Variants in FHIT observed in about 807,000 individuals in gnomAD.
FHIT encodes the protein bis(5'-adenosyl)-triphosphatase.
Under a neutral mutation model 17.9 loss-of-function variants are expected in FHIT, and 19 were observed. The observed-to-expected ratio is 1.06, with a 90% CI of 0.74 to 1.56. The LOEUF (loss-of-function observed/expected upper bound fraction) is 1.56, where lower values mean the gene tolerates loss of function less well. Among genes scored for constraint, FHIT ranks in the 40% most tolerant of loss-of-function variants. The probability of loss-of-function intolerance (pLI) is 0.00; values close to 1 mark genes in which losing one functional copy is unlikely to be tolerated. For synonymous variants in FHIT, 81 were observed against 69.7 expected, an observed-to-expected ratio of 1.16 and a Z score of -0.81; for missense variants, 248 against 189.2, an observed-to-expected ratio of 1.31 and a Z score of -1.82.
intron 4 of FHIT, among the ~76,000 whole-genome samples, chr3:60,699,530 G>A (rs781963571): frequency 2.6e-5 from 4 of 151,972 alleles, no homozygotes; most frequent in Non-Finnish European, 5.9e-5. Context: ...ATTCAGATAC[G>A]TTTCAAATGG....
At chr3:60,551,346 G>A (rs911588923) in intron 4 of FHIT, among the ~76,000 whole-genome samples, 5 of 146,698 alleles carry the variant, frequency 3.4e-5, no homozygotes, top group Non-Finnish European at 6.0e-5. Flanking sequence ...ATCATCTCAG[G>A]ACGCCTGGTG....
intron 3 of FHIT, among the ~76,000 whole-genome samples, chr3:60,974,781 T>G (rs1710165972): frequency 6.6e-6 from 1 of 152,210 alleles, no homozygotes; most frequent in Non-Finnish European, 1.5e-5. Context: ...GATAATGTTT[T>G]ACTTTCCCAC....
intron 5 of FHIT, among the ~76,000 whole-genome samples, chr3:60,124,679 A>G (rs9813638): frequency 0.41 from 62,609 of 151,908 alleles, 13,560 homozygotes; most frequent in Non-Finnish European, 0.49. Context: ...GCAGCCAAAT[A>G]AGCTTTATGC....
At chr3:60,064,517 AT>A (rs1172572919) in intron 5 of FHIT, among the ~76,000 whole-genome samples, 1 of 152,214 alleles carries the variant, frequency 6.6e-6, no homozygotes, top group East Asian at 1.9e-4. Context: ...CAGTCATTGT[AT>A]CATCCACACC....
At chr3:61,205,606 T>C (rs2039199611) in intron 1 of FHIT, among the ~76,000 whole-genome samples, 1 of 152,248 alleles carries the variant, frequency 6.6e-6, no homozygotes, top group Non-Finnish European at 1.5e-5. Context: ...GTCTTTTGGC[T>C]GCGTAAATGT....
chr3:60,750,058 A>G (rs2042435672), intron 4 of FHIT, among the ~76,000 whole-genome samples: 1 of 152,164 alleles, frequency 6.6e-6, no homozygotes, highest in African/African-American at 2.4e-5. Context: ...TAACTAGTAG[A>G]CAACAGAGAT....
chr3:60,935,882 C>T, intron 3 of FHIT, among the ~76,000 whole-genome samples: 1 of 152,180 alleles, frequency 6.6e-6, no homozygotes, highest in East Asian at 1.9e-4. Context: ...TTATGCACTG[C>T]CCTGACAGCT....
chr3:60,578,813 T>C (rs1305191188), intron 4 of FHIT, among the ~76,000 whole-genome samples: 1 of 152,184 alleles, frequency 6.6e-6, no homozygotes, highest in Non-Finnish European at 1.5e-5. Flanking sequence ...TTAGTGTATA[T>C]GTGCCTATAT....
At chr3:60,859,767 A>G (rs1703557069) in intron 3 of FHIT, among the ~76,000 whole-genome samples, 4 of 68,384 alleles carry the variant, frequency 5.8e-5, no homozygotes, top group East Asian at 6.7e-4. Flanking sequence ...TTTTTTGCCG[A>G]GCACGGTGGC....
intron 5 of FHIT, among the ~76,000 whole-genome samples, chr3:60,400,376 A>G (rs1701615488): frequency 6.6e-6 from 1 of 152,290 alleles, no homozygotes; most frequent in East Asian, 1.9e-4. Flanking sequence ...GAGGAGCTCC[A>G]TATAAGAGGG....
chr3:60,158,395 T>G (rs2107355401), intron 5 of FHIT, among the ~76,000 whole-genome samples: 1 of 151,994 alleles, frequency 6.6e-6, no homozygotes, highest in South Asian at 2.1e-4. Context: ...CACTGCAACC[T>G]CCGCTTCCAG....
chr3:60,111,508 TG>T (rs1704669431), intron 5 of FHIT, among the ~76,000 whole-genome samples: 1 of 152,304 alleles, frequency 6.6e-6, no homozygotes, highest in East Asian at 1.9e-4. Context: ...CTTCCAGCAA[TG>T]TAATTACCCA....
At chr3:60,732,623 G>T (rs2042053471) in intron 4 of FHIT, 1 of 521,600 alleles carries the variant, frequency 1.9e-6, no homozygotes, top group Non-Finnish European at 3.7e-6. Context: ...GAAGTACACG[G>T]TGGGGTTGAC....
intron 5 of FHIT, among the ~76,000 whole-genome samples, chr3:60,356,276 C>T (rs1206085021): frequency 6.6e-6 from 1 of 152,164 alleles, no homozygotes; most frequent in East Asian, 1.9e-4. Context: ...CTAAGCACAT[C>T]CTCCATTGTA....
intron 4 of FHIT, among the ~76,000 whole-genome samples, chr3:60,648,278 T>C (rs2039909423): frequency 6.6e-6 from 1 of 152,214 alleles, no homozygotes; most frequent in Non-Finnish European, 1.5e-5. Context: ...TAATGCAATA[T>C]GGTATAAATC....
At chr3:60,394,840 G>A (rs1048388461) in intron 5 of FHIT, among the ~76,000 whole-genome samples, 2 of 152,138 alleles carry the variant, frequency 1.3e-5, no homozygotes, top group African/African-American at 2.4e-5. Flanking sequence ...AAGTCCAGAA[G>A]GATAGTGGCT....
chr3:61,167,628 C>CAAAAAAAAAAA (rs34229498), intron 2 of FHIT, among the ~76,000 whole-genome samples: 1 of 98,956 alleles, frequency 1.0e-5, no homozygotes, highest in African/African-American at 3.7e-5. Context: ...AACTGTGTCT[C>CAAAAAAAAAAA]AAAAAAAAAA....
intron 4 of FHIT, chr3:60,617,425 G>A: frequency 5.9e-6 from 1 of 169,212 alleles, no homozygotes; most frequent in Middle Eastern, 5.2e-4. Flanking sequence ...ATAAACAGAT[G>A]GTTAAAGTTT....
chr3:60,751,489 G>T (rs1202907337), intron 4 of FHIT, among the ~76,000 whole-genome samples: 5 of 152,218 alleles, frequency 3.3e-5, no homozygotes, highest in African/African-American at 1.2e-4. Flanking sequence ...GATAGGAACA[G>T]ATAATTTCCA....
Sources: allele counts gnomAD v4.1 joint callset (sites outside exome capture counted in the v4.1 genomes callset), GRCh38; gene constraint gnomAD v4.1.1; transcripts MANE v1.5; gene names NCBI Gene and HGNC (gene_info 2026-07-23, HGNC 2026-07-21).